COL25A1: variants seen among roughly 807,000 people sequenced by gnomAD.
The protein encoded by COL25A1 is collagen alpha-1(XXV) chain.
A neutral mutation model predicts 128.4 loss-of-function variants in COL25A1; 103 were observed. That is an observed-to-expected ratio of 0.80 (90% CI 0.68 to 0.94). COL25A1 has a LOEUF of 0.94. Among genes scored for constraint, COL25A1 ranks in the 40% least tolerant of loss-of-function variants. The pLI, the probability that COL25A1 is intolerant of heterozygous loss-of-function variation, is 0.00. For synonymous variants in COL25A1, 279 were observed against 277.2 expected (o/e 1.01, Z -0.06); for missense variants, 745 against 840.0 (o/e 0.89, Z 1.40).
intron 5 of COL25A1, among the ~76,000 whole-genome samples, chr4:109,014,234 G>C (rs1561027457): frequency 2.6e-5 from 4 of 152,124 alleles, no homozygotes; most frequent in Non-Finnish European, 5.9e-5. Context: ...TTGAGTCCGG[G>C]GGGCAGAGGT....
At chr4:108,824,807 GA>G (rs915268046) in intron 34 of COL25A1, among the ~76,000 whole-genome samples, 2 of 151,990 alleles carry the variant, frequency 1.3e-5, no homozygotes, top group African/African-American at 4.8e-5. Context: ...ATGTTAAAAG[GA>G]AAAAAATATT....
chr4:109,137,736 T>G (rs1413175457), intron 3 of COL25A1, among the ~76,000 whole-genome samples: 1 of 152,212 alleles, frequency 6.6e-6, no homozygotes, highest in Non-Finnish European at 1.5e-5. Context: ...ATCACAATTT[T>G]GACTGGGTAC....
chr4:109,135,024 CAA>C (rs574984369), intron 3 of COL25A1, among the ~76,000 whole-genome samples: 1,241 of 100,650 alleles, frequency 0.012, 18 homozygotes, highest in African/African-American at 0.032. Context: ...ACTTTTCTGT[CAA>C]AAAAAAAAAA....
At chr4:108,991,628 T>A (rs371828677) in intron 6 of COL25A1, among the ~76,000 whole-genome samples, 3 of 151,116 alleles carry the variant, frequency 2.0e-5, no homozygotes, top group East Asian at 3.9e-4. Flanking sequence ...ATATGACAGT[T>A]CTGTTGTGTA....
At chr4:109,044,591 C>T (rs1461248750) in intron 5 of COL25A1, among the ~76,000 whole-genome samples, 6 of 152,098 alleles carry the variant, frequency 3.9e-5, no homozygotes, top group Non-Finnish European at 8.8e-5. Flanking sequence ...TCTAATCTGT[C>T]TGTACACATG....
chr4:108,936,692 C>A (rs1222526617), intron 11 of COL25A1, among the ~76,000 whole-genome samples: 1 of 151,726 alleles, frequency 6.6e-6, no homozygotes, highest in Admixed American at 6.6e-5. Context: ...GGCAGCTGTA[C>A]CTACAGCTGA....
At chr4:108,917,152 C>T (rs990932123) in intron 13 of COL25A1, among the ~76,000 whole-genome samples, 1 of 152,142 alleles carries the variant, frequency 6.6e-6, no homozygotes, top group African/African-American at 2.4e-5. Flanking sequence ...TGCCAAAATT[C>T]ACACAGCCTC....
At chr4:109,281,650 A>C (rs1723400316) in intron 3 of COL25A1, among the ~76,000 whole-genome samples, 1 of 152,158 alleles carries the variant, frequency 6.6e-6, no homozygotes, top group East Asian at 1.9e-4. Flanking sequence ...GTGGTTGTTA[A>C]CTACTAATAA....
chr4:109,233,742 A>G (rs1477311653), intron 3 of COL25A1, among the ~76,000 whole-genome samples: 1 of 152,156 alleles, frequency 6.6e-6, no homozygotes, highest in East Asian at 1.9e-4. Context: ...TATATAGTGC[A>G]TGAAGCCCCA....
intron 3 of COL25A1, among the ~76,000 whole-genome samples, chr4:109,195,845 C>T (rs1484515755): frequency 6.6e-6 from 1 of 151,982 alleles, no homozygotes; most frequent in African/African-American, 2.4e-5. Context: ...GAGTACAGAA[C>T]AAAAATCAAC....
chr4:109,048,827 C>G (rs1433388133), intron 4 of COL25A1, among the ~76,000 whole-genome samples: 1 of 151,994 alleles, frequency 6.6e-6, no homozygotes, highest in African/African-American at 2.4e-5. Flanking sequence ...ACTTTTTCCC[C>G]AAAATCCTCT....
In COL25A1 at chr4:108,855,745, T is replaced by C. The variant is rs541260492; in HGVS notation, c.1321-2820A>G. Among the ~76,000 whole-genome samples the C allele has an allele frequency of 3.3e-5, 5 of 152,306 alleles. No homozygotes were observed. In the South Asian group the frequency reaches 8.3e-4, roughly 25 times the overall value. ...TAACTATGTTTGTGAAACTTTAAAA[T>C]TGTATAATGTTCCATCCAGCTAATA... On this transcript the variant is annotated intron_variant, in intron 24 of 37. Coordinates refer to ENST00000399132, the MANE Select transcript of COL25A1 (RefSeq NM_198721.4).
At chr4:109,208,788 G>GT (rs1777248503) in intron 3 of COL25A1, among the ~76,000 whole-genome samples, 1 of 152,130 alleles carries the variant, frequency 6.6e-6, no homozygotes, top group Non-Finnish European at 1.5e-5. Context: ...ACAGAGAGCA[G>GT]TAGCATGTGA....
At position 109,151,966 on chromosome 4, in the gene COL25A1, T is replaced by G. The variant is rs144742512; in HGVS notation, c.368-101787A>C. 2.9e-3 allele frequency among the ~76,000 whole-genome samples: 439 copies of G among 152,274 alleles called. 2 individuals carry two copies. The highest frequency in any genetic ancestry group is 0.01 in the African/African-American group (417 of 41,582). On this transcript the variant is annotated intron_variant, in intron 3 of 37. Coordinates refer to ENST00000399132, the MANE Select transcript of COL25A1 (RefSeq NM_198721.4). ...ACTTCTACTTAATTGGATGCCTGAC[T>G]GGAGGTCAAGATCTAGTCCAATATT...
intron 3 of COL25A1, among the ~76,000 whole-genome samples, chr4:109,114,750 G>T (rs1050868417): frequency 1.3e-5 from 2 of 152,002 alleles, no homozygotes; most frequent in African/African-American, 4.8e-5. Context: ...TTTATGAAAG[G>T]CATGTGCAAT....
intron 6 of COL25A1, among the ~76,000 whole-genome samples, chr4:108,988,023 A>G (rs745663812): frequency 6.6e-6 from 1 of 152,194 alleles, no homozygotes; most frequent in Non-Finnish European, 1.5e-5. Context: ...GGGTAGGAAA[A>G]GAGGTACATG....
chr4:109,095,680 C>G (rs1424079298), intron 3 of COL25A1, among the ~76,000 whole-genome samples: 1 of 152,058 alleles, frequency 6.6e-6, no homozygotes, highest in Non-Finnish European at 1.5e-5. Context: ...GTCTGAAAAG[C>G]CTTTGAAGAA....
At chr4:109,041,876 C>G (rs1394773855) in intron 5 of COL25A1, among the ~76,000 whole-genome samples, 1 of 151,994 alleles carries the variant, frequency 6.6e-6, no homozygotes, top group Non-Finnish European at 1.5e-5. Context: ...GGAGCCTTGC[C>G]CATCAATATG....
At chr4:108,969,053 C>A (rs1036882152) in intron 8 of COL25A1, among the ~76,000 whole-genome samples, 1 of 152,146 alleles carries the variant, frequency 6.6e-6, no homozygotes, top group Non-Finnish European at 1.5e-5. Context: ...TCAGTGTCAG[C>A]TGAATAGGGA....
Sources: gnomAD v4.1 joint callset for allele counts (sites outside exome capture counted in the v4.1 genomes callset) on GRCh38, gnomAD v4.1.1 for gene constraint, MANE v1.5 for transcripts, NCBI Gene and HGNC (gene_info 2026-07-23, HGNC 2026-07-21) for gene names.